Variants in CDH3 observed in about 807,000 individuals in gnomAD.
CDH3 encodes cadherin-3.
Under a neutral mutation model 82.0 loss-of-function variants are expected in CDH3, and 54 were observed. That is an observed-to-expected ratio of 0.66 (90% CI 0.53 to 0.83). CDH3 has a LOEUF of 0.83. Ranked by LOEUF, CDH3 falls within the 40% of genes least tolerant of loss-of-function variation. CDH3 has a pLI of 0.00. For synonymous variants in CDH3, 446 were observed against 437.9 expected (o/e 1.02, Z -0.23); for missense variants, 1,054 against 1,084.6 (o/e 0.97, Z 0.40).
chr16:68,675,142 AAAAAAAAAAC>A (rs989969042), intron 2 of CDH3, among the ~76,000 whole-genome samples: 2 of 146,690 alleles, frequency 1.4e-5, no homozygotes, highest in African/African-American at 5.2e-5. Context: ...AAATTGAAAG[AAAAAAAAAAC>A]CCTCATCTGT....
chr16:68,698,344 T>C lies in CDH3; in HGVS notation c.2434T>C (p.Trp812Arg). The change falls in exon 16 of 16, where the codon TGG becomes CGG. Residue 812 changes from tryptophan to arginine, a missense_variant. By Grantham distance (101) the Trp-to-Arg change is moderately radical (BLOSUM62 -3). Coordinates refer to ENST00000264012, the MANE Select transcript of CDH3 (RefSeq NM_001793.6). ...CCAAGATTACGATTATCTGAACGAG[T>C]GGGGCAGCCGCTTCAAGAAGCTGGC... ...QDQDYDYLNEWGSRFKKLADM... is the reference protein window; with the variant it reads ...QDQDYDYLNERGSRFKKLADM... 1 of 1,614,012 alleles carries C rather than the reference T, an allele frequency of 6.2e-7. No individual in the cohort carries two copies.
At chr16:68,680,633 C>A (rs1276151438) in intron 7 of CDH3, among the ~76,000 whole-genome samples, 1 of 152,186 alleles carries the variant, frequency 6.6e-6, no homozygotes, top group Non-Finnish European at 1.5e-5. Flanking sequence ...GAGCCAAGAT[C>A]ACGCCACTAC....
chr16:68,648,978 A>G (rs1026111818), intron 2 of CDH3, among the ~76,000 whole-genome samples: 3 of 151,818 alleles, frequency 2.0e-5, no homozygotes, highest in East Asian at 1.9e-4. Context: ...GCTCAAGAGG[A>G]AAGGTTAATC....
rs188692405 is a variant in CDH3, at chr16:68,662,947, C to A, written c.161-13438C>A. On this transcript the variant is annotated intron_variant, in intron 2 of 15. Transcript: ENST00000264012. ...GCAGTGGCGTGATCTTGGCTCACTG[C>A]ACACTCCGCCTCCTGGGTTCAAGCT... Among the ~76,000 whole-genome samples the A allele has an allele frequency of 7.9e-4, 116 of 147,310 alleles. 1 individual carries two copies. The highest frequency in any genetic ancestry group is 2.6e-3 in the African/African-American group (105 of 39,714).
At chr16:68,685,434 G>T in intron 11 of CDH3, 84 bp downstream of exon 11, 9 of 1,450,146 alleles carry the variant, frequency 6.2e-6, no homozygotes, top group Non-Finnish European at 7.7e-6. Context: ...TTCCTCCACA[G>T]GTGGGAACAT....
chr16:68,684,067 CAAAA>C (rs33992366), intron 9 of CDH3, among the ~76,000 whole-genome samples: 3 of 119,784 alleles, frequency 2.5e-5, no homozygotes, highest in African/African-American at 6.5e-5. Context: ...ACTCCGTCTC[CAAAA>C]AAAAAAAAAA....
downstream of CDH3, among the ~76,000 whole-genome samples, chr16:68,703,510 C>G (rs1332501815): frequency 6.6e-6 from 1 of 152,212 alleles, no homozygotes; most frequent in African/African-American, 2.4e-5. Flanking sequence ...GGAACGACTC[C>G]CTCCAGGCTA....
At position 68,666,594 on chromosome 16, in the gene CDH3, T is replaced by G. The variant is rs890951100; in HGVS notation, c.161-9791T>G. 2.0e-5 allele frequency among the ~76,000 whole-genome samples: 3 copies of G among 152,170 alleles called. No individual in the cohort carries two copies. In the South Asian group the frequency reaches 6.2e-4, roughly 32 times the overall value. On this transcript the variant is annotated intron_variant, in intron 2 of 15. Transcript: ENST00000264012. ...CGGGTCTGGCTCACTGGCCACCATCTTGGTTTTCTTGTGCGTGGAAAATAC... is the reference window on the plus strand; with the variant it reads ...CGGGTCTGGCTCACTGGCCACCATCGTGGTTTTCTTGTGCGTGGAAAATAC...
chr16:68,691,248 C>T (rs1752552449), intron 12 of CDH3, among the ~76,000 whole-genome samples: 1 of 152,094 alleles, frequency 6.6e-6, no homozygotes, highest in East Asian at 1.9e-4. Context: ...TCGTGATCTG[C>T]CCACTTCGGC....
intron 2 of CDH3, among the ~76,000 whole-genome samples, chr16:68,672,147 T>A (rs927623181): frequency 6.7e-6 from 1 of 149,738 alleles, no homozygotes; most frequent in South Asian, 2.1e-4. Context: ...GAGCCGAGAT[T>A]GCGCCACTGC....
intron 3 of CDH3, among the ~76,000 whole-genome samples, chr16:68,676,852 C>T (rs1173926445): frequency 6.6e-6 from 1 of 152,158 alleles, no homozygotes; most frequent in South Asian, 2.1e-4. Context: ...CAGGAAGATA[C>T]ATCTGGGGTG....
intron 2 of CDH3, among the ~76,000 whole-genome samples, chr16:68,727,056 T>C (rs1392053911): frequency 1.3e-5 from 2 of 152,178 alleles, no homozygotes; most frequent in Non-Finnish European, 2.9e-5. Flanking sequence ...CACACCCACG[T>C]GGATGGGCAC....
the CDH3 span, among the ~76,000 whole-genome samples, chr16:68,732,656 C>A: frequency 6.6e-6 from 1 of 152,278 alleles, no homozygotes; most frequent in East Asian, 1.9e-4. Flanking sequence ...AAGCTCAACT[C>A]CTGGAGTTTG....
chr16:68,678,721 T>G (rs201590604), intron 5 of CDH3, 41 bp from the exon 6 acceptor site: 3 of 1,614,074 alleles, frequency 1.9e-6, no homozygotes, highest in Non-Finnish European at 1.7e-6. Context: ...CCTGGTGAGG[T>G]GGGTGGCACC....
chr16:68,686,501 A>G (rs1961416939), intron 11 of CDH3: 1 of 1,157,332 alleles, frequency 8.6e-7, no homozygotes, highest in Non-Finnish European at 1.3e-6. Flanking sequence ...AAGGAAAAGT[A>G]TTGCAGCAAC....
chr16:68,731,045 A>ACAT (rs1396395240), downstream of CDH3, among the ~76,000 whole-genome samples: 1 of 17,242 alleles, frequency 5.8e-5, no homozygotes, highest in African/African-American at 1.5e-4. Context: ...AAAAAAAAAA[A>ACAT]AAATATATAT....
In CDH3 at chr16:68,687,534, G is replaced by A. The variant is rs147208782; in HGVS notation, c.1593G>A (p.Thr531=). The change falls in exon 12 of 16, where the codon ACG becomes ACA. Residue 531 remains threonine (T), a synonymous_variant. Transcript: ENST00000264012. Reference sequence around the variant, plus strand: ...CAGGAAGCCCTCCCACCACTGGCACGGGAACCCTTCTGCTAACACTGATTG... The same window carrying A: ...CAGGAAGCCCTCCCACCACTGGCACAGGAACCCTTCTGCTAACACTGATTG... ...MDNGSPPTTG[T]GTLLLTLIDV... The A allele has an allele frequency of 1.1e-4, 172 of 1,614,008 alleles. No individual in the cohort carries two copies. Among genetic ancestry groups the A allele is most frequent in the South Asian group, 7.0e-4 (64 of 91,078 alleles).
chr16:68,711,461 T>C (rs1354676527), intron 1 of CDH3, among the ~76,000 whole-genome samples: 1 of 152,060 alleles, frequency 6.6e-6, no homozygotes, highest in Non-Finnish European at 1.5e-5. Flanking sequence ...AGTGAGGAAG[T>C]TCAGGTGCAG....
At chr16:68,724,577 T>C (rs1962199182) in intron 2 of CDH3, among the ~76,000 whole-genome samples, 1 of 151,506 alleles carries the variant, frequency 6.6e-6, no homozygotes, top group Non-Finnish European at 1.5e-5. Context: ...CAGTGAGCTA[T>C]GATCCCACCA....
Sources: allele counts gnomAD v4.1 joint callset (sites outside exome capture counted in the v4.1 genomes callset), GRCh38; gene constraint gnomAD v4.1.1; transcripts MANE v1.5; gene names NCBI Gene and HGNC (gene_info 2026-07-23, HGNC 2026-07-21).